SLC4A8: variants seen among roughly 807,000 people sequenced by gnomAD.
SLC4A8 encodes the protein solute carrier family 4 member 8.
A neutral mutation model predicts 125.0 loss-of-function variants in SLC4A8; 40 were observed. The ratio of observed to expected loss-of-function variants is 0.32; its 90% CI spans 0.25 to 0.42. The LOEUF (loss-of-function observed/expected upper bound fraction) is 0.42. Ranked by LOEUF, SLC4A8 falls within the 10% of genes least tolerant of loss-of-function variation. SLC4A8 has a pLI of 1.00. For synonymous variants in SLC4A8, 456 were observed against 476.0 expected (o/e 0.96, Z 0.55); for missense variants, 863 against 1,355.1 (o/e 0.64, Z 5.70).
chr12:51,419,615 C>T (rs1948745878), intron 1 of SLC4A8, among the ~76,000 whole-genome samples: 1 of 152,204 alleles, frequency 6.6e-6, no homozygotes, highest in Non-Finnish European at 1.5e-5. Context: ...CTTTTCTCCT[C>T]CAGGGCCTAT....
intron 14 of SLC4A8, among the ~76,000 whole-genome samples, chr12:51,473,761 G>A (rs1480341182): frequency 6.6e-6 from 1 of 152,170 alleles, no homozygotes; most frequent in Non-Finnish European, 1.5e-5. Flanking sequence ...AGCTAATGGA[G>A]TTTCTAGGTC....
chr12:51,417,209 G>T (rs1294804540), intron 1 of SLC4A8, among the ~76,000 whole-genome samples: 1 of 152,172 alleles, frequency 6.6e-6, no homozygotes, highest in Non-Finnish European at 1.5e-5. Context: ...TTGAGACAGG[G>T]TCTCCCTTTG....
chr12:51,411,930 C>T (rs757159302), intron 1 of SLC4A8, among the ~76,000 whole-genome samples: 13 of 151,916 alleles, frequency 8.6e-5, no homozygotes, highest in Non-Finnish European at 1.6e-4. Flanking sequence ...GGCGTGGTGG[C>T]ATGTGCCTGT....
At position 51,408,833 on chromosome 12, in the gene SLC4A8, C is replaced by G. The variant is rs913684666; in HGVS notation, c.-112+17345C>G. On this transcript the variant is annotated intron_variant, in intron 1 of 24. Transcript: ENST00000358657. ...AGAAAAGGAAACTGCCAGTGTGATG[C>G]GCACTCCAGAGCATTTTCCTTTTAG... Among the ~76,000 whole-genome samples, 3 of 152,082 alleles carry G rather than the reference C, an allele frequency of 2.0e-5. No individual in the cohort carries two copies. In the East Asian group the frequency reaches 5.8e-4, roughly 29 times the overall value.
At position 51,460,072 on chromosome 12, in the gene SLC4A8, T is replaced by C. The variant is rs201152947; in HGVS notation, c.977T>C (p.Leu326Pro). Residue 326 changes from leucine to proline, a missense_variant, in exon 8 of 25, where the codon CTT (leucine) becomes CCT (proline). Around this residue, in one of 6 missense-constraint regions of SLC4A8, gnomAD observed 390 missense variants for 634.4 expected, o/e 0.61. Transcript: ENST00000453097. ...TTTGTGAGGCTGTCTCCAGCTGTTC[T>C]TCTCTCAGGCCTAACAGAAGTGCCA... ...VAFVRLSPAV[L>P]LSGLTEVPIP... 3.7e-6 allele frequency: 6 copies of C among 1,613,860 alleles called. No homozygotes were observed. The African/African-American group carries it at 5.3e-5, about 14-fold the overall frequency.
intron 2 of SLC4A8, among the ~76,000 whole-genome samples, chr12:51,442,903 C>T (rs1043646969): frequency 3.9e-5 from 6 of 152,210 alleles, no homozygotes; most frequent in South Asian, 2.1e-4. Flanking sequence ...TAGAATAAAA[C>T]GAGTACCATT....
chr12:51,395,573 G>A (rs532837511), intron 1 of SLC4A8, among the ~76,000 whole-genome samples: 2 of 152,186 alleles, frequency 1.3e-5, no homozygotes, highest in African/African-American at 4.8e-5. Flanking sequence ...CTGGTGAGGG[G>A]ATACCCACCT....
At chr12:51,467,581 G>A (rs554981807) in intron 11 of SLC4A8, 2 of 152,284 alleles carry the variant, frequency 1.3e-5, no homozygotes, top group Admixed American at 1.3e-4. Context: ...GCTTCTAGGT[G>A]ACAGAAGGAA....
rs1008431086 is a variant in SLC4A8 at position 51,508,417 on chromosome 12, C to T, written c.*979C>T. ...TTATTGGCCATTTTGCGGGACTCTT[C>T]GACTTCTTGCTGCTGTCTCTTGAGG... is the stretch of plus-strand genomic sequence containing the variant. On this transcript the variant is annotated 3_prime_UTR_variant, in exon 25 of 25. Transcript: ENST00000453097. 8 of 147,866 alleles carry T rather than the reference C, an allele frequency of 5.4e-5. No homozygotes were observed. Among genetic ancestry groups the T allele is most frequent in the African/African-American group, 1.7e-4 (7 of 40,432 alleles). 9.2% of individuals were successfully genotyped at this position (147,866 alleles called of 1,614,324 possible).
intron 11 of SLC4A8, chr12:51,466,486 T>C (rs942501818): frequency 1.3e-5 from 2 of 152,108 alleles, no homozygotes; most frequent in Non-Finnish European, 2.9e-5. Flanking sequence ...AAGTCAATGC[T>C]CCAGAGCCTA....
At chr12:51,502,360 C>G (rs1033728578) in intron 22 of SLC4A8, 2 of 151,924 alleles carry the variant, frequency 1.3e-5, no homozygotes, top group African/African-American at 4.8e-5. Context: ...CTCAGCCTCC[C>G]GAGTAGCTGG....
chr12:51,447,970 C>G (rs1004905326), intron 2 of SLC4A8, among the ~76,000 whole-genome samples: 1 of 151,856 alleles, frequency 6.6e-6, no homozygotes, highest in Non-Finnish European at 1.5e-5. Context: ...CCGCCTGCCT[C>G]GGCCTCCCAA....
chr12:51,502,910 T>C (rs1222311604), intron 22 of SLC4A8, among the ~76,000 whole-genome samples: 4 of 149,546 alleles, frequency 2.7e-5, no homozygotes, highest in African/African-American at 9.9e-5. Flanking sequence ...GGCGCCATCT[T>C]GGCTCACTGC....
intron 20 of SLC4A8, 49 bp downstream of exon 20, chr12:51,493,821 T>C (rs1951385473): frequency 2.5e-6 from 3 of 1,201,148 alleles, no homozygotes; most frequent in African/African-American, 1.5e-5. Context: ...CAAGTTTGCA[T>C]GTCCTGTCCA....
chr12:51,472,202 T>C (rs1950719067), intron 14 of SLC4A8, among the ~76,000 whole-genome samples: 2 of 152,174 alleles, frequency 1.3e-5, no homozygotes, highest in South Asian at 4.1e-4. Flanking sequence ...TTCTCTGGAA[T>C]AGTATTCTCC....
chr12:51,460,126 AC>A lies in SLC4A8; in HGVS notation c.1013+19del, dbSNP rs1565792503. ...CCAACAAGGTAAAGGCAAAGATAAA[AC>A]TCATGCATTCTATCCAAAATTCAAA... On this transcript the variant is annotated intron_variant, in intron 8 of 24. Transcript: ENST00000453097. 1 of 1,605,392 alleles carries A rather than the reference AC, an allele frequency of 6.2e-7. No individual in the cohort carries two copies. The highest frequency in any genetic ancestry group is 2.2e-5 in the East Asian group (1 of 44,822).
At chr12:51,483,190 T>G (rs1321552887) in intron 16 of SLC4A8, among the ~76,000 whole-genome samples, 1 of 152,184 alleles carries the variant, frequency 6.6e-6, no homozygotes, top group African/African-American at 2.4e-5. Flanking sequence ...CCAGTAGGTT[T>G]TGATGCTGCC....
intron 1 of SLC4A8, among the ~76,000 whole-genome samples, chr12:51,429,825 G>A (rs1206904315): frequency 2.0e-5 from 3 of 151,830 alleles, no homozygotes; most frequent in Non-Finnish European, 4.4e-5. Flanking sequence ...GAAATTTTAA[G>A]AGTCAATGAG....
In SLC4A8 at chr12:51,404,721, G is replaced by A. The variant is rs571265569; in HGVS notation, c.-112+13233G>A. 6.8e-4 allele frequency among the ~76,000 whole-genome samples: 103 copies of A among 152,312 alleles called. 1 individual carries two copies. The highest frequency in any genetic ancestry group is 1.1e-3 in the Non-Finnish European group (73 of 68,042). On this transcript the variant is annotated intron_variant, in intron 1 of 24. Coordinates refer to the SLC4A8 transcript ENST00000358657. ...AAAGATAAAGAATGAGAGGACTCCA[G>A]TGATATCTTTTGGACTCCTGGGTCC...
Sources: allele counts gnomAD v4.1 joint callset (sites outside exome capture counted in the v4.1 genomes callset), GRCh38; gene constraint gnomAD v4.1.1; regional missense constraint gnomAD v4.1.1; transcripts MANE v1.5; gene names NCBI Gene and HGNC (gene_info 2026-07-23, HGNC 2026-07-21).